Variants in FGD6 observed in about 807,000 individuals in gnomAD.
FGD6 encodes FYVE, RhoGEF and PH domain containing 6.
Under a neutral mutation model 149.4 loss-of-function variants are expected in FGD6, and 90 were observed. The observed-to-expected ratio is 0.60, with a 90% confidence interval of 0.51 to 0.72. The LOEUF (loss-of-function observed/expected upper bound fraction) is 0.72, where lower values mean the gene tolerates loss of function less well. Among genes scored for constraint, FGD6 ranks in the 30% least tolerant of loss-of-function variants. The pLI, the probability that FGD6 is intolerant of heterozygous loss-of-function variation, is 0.00. For missense variants in FGD6, 1,437 were observed against 1,684.8 expected (o/e 0.85, Z 2.57); for synonymous variants, 527 against 584.0 (o/e 0.90, Z 1.41).
At chr12:95,127,354 G>C (rs1295682861) in intron 8 of FGD6, among the ~76,000 whole-genome samples, 16 of 152,192 alleles carry the variant, frequency 1.1e-4, no homozygotes, top group Non-Finnish European at 1.5e-5. Flanking sequence ...GACCAGCCTG[G>C]CCAATATGGT....
chr12:95,168,109 G>A (rs4762624), intron 3 of FGD6, among the ~76,000 whole-genome samples: 21,226 of 151,874 alleles, frequency 0.14, 1,888 homozygotes, highest in African/African-American at 0.24. Flanking sequence ...AGTGATACTC[G>A]TGTAAATAAA....
intron 2 of FGD6, among the ~76,000 whole-genome samples, chr12:95,201,955 T>TACACACACAC (rs71078621): frequency 1.4e-4 from 20 of 146,562 alleles, no homozygotes; most frequent in Non-Finnish European, 2.0e-4. Context: ...CAGGACAGAA[T>TACACACACAC]ACACACACAC....
intron 1 of FGD6, among the ~76,000 whole-genome samples, chr12:95,214,861 C>CTTTT (rs1171146305): frequency 7.7e-5 from 10 of 129,218 alleles, no homozygotes; most frequent in Non-Finnish European, 9.9e-5. Context: ...CTCCTTTTTT[C>CTTTT]TTTTTTTTTT....
intron 14 of FGD6, among the ~76,000 whole-genome samples, chr12:95,096,033 A>G (rs1878222419): frequency 6.6e-6 from 1 of 151,966 alleles, no homozygotes; most frequent in Admixed American, 6.6e-5. Context: ...AAAAAGCAGA[A>G]GTAAAATGAC....
intron 14 of FGD6, among the ~76,000 whole-genome samples, chr12:95,104,706 G>A (rs754696263): frequency 6.6e-6 from 1 of 152,088 alleles, no homozygotes; most frequent in Non-Finnish European, 1.5e-5. Context: ...GCCTCCCGAA[G>A]TCCTGGTATT....
At chr12:95,164,637 G>T (rs1266047741) in intron 3 of FGD6, among the ~76,000 whole-genome samples, 1 of 151,928 alleles carries the variant, frequency 6.6e-6, no homozygotes, top group Non-Finnish European at 1.5e-5. Flanking sequence ...CACCATGTTG[G>T]CCAGGCTGGT....
In FGD6 at chr12:95,211,180, T is replaced by G; in HGVS notation, c.104A>C (p.Asp35Ala). The change falls in exon 2 of 21, where the codon GAC (aspartate) becomes GCC (alanine). Residue 35 changes from aspartate (D) to alanine (A), a missense_variant. By Grantham distance (126) the Asp-to-Ala change is moderately radical (BLOSUM62 -2). Around this residue, in one of 2 missense-constraint regions of FGD6, gnomAD observed 1,055 missense variants for 1,146.0 expected, o/e 0.92. Coordinates refer to ENST00000343958, the MANE Select transcript of FGD6 (RefSeq NM_018351.4). ...PAPPPIAPKP[D>A]IVISSVPQST... The stretch of plus-strand genomic sequence containing the variant: ...CTGTGGAACACTAGAAATCACAATG[T>G]CGGGTTTAGGTGCAATAGGAGGTGG... The G allele has an allele frequency of 6.2e-7, 1 of 1,614,056 alleles. No individual in the cohort carries two copies. Among genetic ancestry groups the G allele is most frequent in the Non-Finnish European group, 8.5e-7 (1 of 1,180,014 alleles).
chr12:95,152,921 C>A lies in FGD6; in HGVS notation c.2654+5G>T, dbSNP rs1295190399. ...AGTCTTCTGAATTGTAAACTAGATA[C>A]CTACACTTTCTCTGAGCTCATGATC... On this transcript the variant is annotated splice_donor_5th_base_variant and intron_variant, in intron 4 of 20. Coordinates refer to ENST00000343958, the MANE Select transcript of FGD6 (RefSeq NM_018351.4). 1 of 1,613,854 alleles carries A rather than the reference C, an allele frequency of 6.2e-7. No individual in the cohort carries two copies. The highest frequency in any genetic ancestry group is 1.1e-5 in the South Asian group (1 of 91,072).
At chr12:95,207,623 C>A (rs1164312829) in intron 2 of FGD6, among the ~76,000 whole-genome samples, 1 of 152,188 alleles carries the variant, frequency 6.6e-6, no homozygotes, top group Non-Finnish European at 1.5e-5. Context: ...TATTTTCATT[C>A]ATTCTCTCTT....
rs765268655 is a variant in FGD6, at chr12:95,209,772, C to T, written c.1512G>A (p.Leu504=). Residue 504 remains leucine (L), a synonymous_variant, in exon 2 of 21, where the codon TTG becomes TTA. Coordinates refer to ENST00000343958, the MANE Select transcript of FGD6 (RefSeq NM_018351.4). ...CCTTTTTAAGCACTCCTGTAGCAGG[C>T]AAGCTATGTCTTTGAGGTTTTTTGG... ...IVPKKPQRHS[L]PATGVLKKAA... The T allele has an allele frequency of 6.2e-7, 1 of 1,613,266 alleles. No homozygotes were observed. Among genetic ancestry groups the T allele is most frequent in the South Asian group, 1.1e-5 (1 of 90,860 alleles).
intron 2 of FGD6, among the ~76,000 whole-genome samples, chr12:95,205,458 G>C (rs796755951): frequency 1.4e-4 from 22 of 152,272 alleles, no homozygotes; most frequent in African/African-American, 4.8e-4. Flanking sequence ...TTTCTTCCCT[G>C]AAGGTTGAGA....
chr12:95,195,677 G>A (rs895875067), intron 2 of FGD6, among the ~76,000 whole-genome samples: 40 of 105,110 alleles, frequency 3.8e-4, no homozygotes, highest in Admixed American at 1.7e-3. Context: ...TGAAAGGGCC[G>A]GGCATGGTGG....
In FGD6 at chr12:95,089,569, T is replaced by G; in HGVS notation, c.3978A>C (p.Glu1326Asp). 6.2e-7 allele frequency: 1 copy of G among 1,613,444 alleles called. No individual in the cohort carries two copies. The highest frequency in any genetic ancestry group is 8.5e-7 in the Non-Finnish European group (1 of 1,179,578). Reference sequence around the variant, plus strand: ...TTGCAAATTTAATGGAAACACTTACTTCTTTGAGAGCAGCTGGGATTTTTT... The same window carrying G: ...TTGCAAATTTAATGGAAACACTTACGTCTTTGAGAGCAGCTGGGATTTTTT... Reference protein sequence around the residue: ...KQKKIPAALKEVSANTEDSSM... With the variant: ...KQKKIPAALKDVSANTEDSSM... Residue 1326 changes from glutamate (E) to aspartate (D), a missense_variant and splice_region_variant, in exon 18 of 21, where the codon GAA (glutamate) becomes GAC (aspartate). This residue lies in a region of FGD6 where 382 missense variants were observed against 538.7 expected (regional missense o/e 0.71). Coordinates refer to ENST00000343958, the MANE Select transcript of FGD6 (RefSeq NM_018351.4).
At position 95,217,410 on chromosome 12, in the gene FGD6, A is replaced by G. The variant is rs996016516; in HGVS notation, c.-170T>C. 2.7e-6 allele frequency: 3 copies of G among 1,095,398 alleles called. No individual in the cohort carries two copies. The highest frequency in any genetic ancestry group is 3.7e-6 in the Non-Finnish European group (3 of 816,118). 67.9% of individuals were successfully genotyped at this position (1,095,398 alleles called of 1,614,324 possible). The stretch of plus-strand genomic sequence containing the variant: ...CCACACAAAGGACGCGGCCGACTCT[A>G]GCGACCCTGCGGCGCTCCCGGGCGC... On this transcript the variant is annotated 5_prime_UTR_variant, in exon 1 of 21. Transcript: ENST00000343958.
In FGD6 at chr12:95,161,096, C is replaced by T. The variant is rs535669605; in HGVS notation, c.2587-8103G>A. Among the ~76,000 whole-genome samples, 4 of 151,996 alleles carry T rather than the reference C, an allele frequency of 2.6e-5. No homozygotes were observed. In the South Asian group the frequency reaches 6.2e-4, roughly 24 times the overall value. On this transcript the variant is annotated intron_variant, in intron 3 of 20. Transcript: ENST00000343958. ...TTGGGAGGCTGAGACAGGAGAATTG[C>T]TTAAACCAAGGAGATGGAGGATGCA... is the stretch of plus-strand genomic sequence containing the variant.
chr12:95,100,918 C>CA (rs1261569058), intron 14 of FGD6: 1 of 365,632 alleles, frequency 2.7e-6, no homozygotes, highest in Non-Finnish European at 5.3e-6. Flanking sequence ...TTGCTCCTGA[C>CA]AAGAAACTGA....
rs1231239279 is a variant in FGD6 at position 95,079,124 on chromosome 12, A to G, written c.*2396T>C. The G allele has an allele frequency of 1.3e-5, 2 of 152,170 alleles. No homozygotes were observed. The highest frequency in any genetic ancestry group is 3.8e-4 in the East Asian group (2 of 5,206). The allele number at this position is 152,170 out of a possible 1,614,324, so 9.4% of individuals were successfully genotyped here. On this transcript the variant is annotated 3_prime_UTR_variant, in exon 21 of 21. Transcript: ENST00000343958. ...GACAATGAATGAGCCAGGTTACATAAATAACAATTGGTCAGCTTTAGTAAG... is the reference window on the plus strand; with the variant it reads ...GACAATGAATGAGCCAGGTTACATAGATAACAATTGGTCAGCTTTAGTAAG...
intron 2 of FGD6, among the ~76,000 whole-genome samples, chr12:95,174,420 G>C (rs537940520): frequency 2.0e-5 from 3 of 152,076 alleles, no homozygotes; most frequent in African/African-American, 7.2e-5. Flanking sequence ...TTTCCAATCG[G>C]CAGCAGCATC....
intron 8 of FGD6, among the ~76,000 whole-genome samples, chr12:95,115,380 G>A (rs1430000902): frequency 6.7e-6 from 1 of 149,492 alleles, no homozygotes; most frequent in Non-Finnish European, 1.5e-5. Flanking sequence ...TATGACTACT[G>A]GTGTGTGCCT....
Sources: allele counts gnomAD v4.1 joint callset (sites outside exome capture counted in the v4.1 genomes callset), GRCh38; gene constraint gnomAD v4.1.1; regional missense constraint gnomAD v4.1.1; transcripts MANE v1.5; gene names NCBI Gene and HGNC (gene_info 2026-07-23, HGNC 2026-07-21).